The following AGBL4 variants were observed in gnomAD, a reference collection of about 807,000 sequenced individuals.
AGBL4 encodes the protein cytosolic carboxypeptidase 6.
In AGBL4, 58 loss-of-function variants were observed where a neutral mutation model predicts 66.4. The ratio of observed to expected loss-of-function variants is 0.87; its 90% CI spans 0.71 to 1.09. AGBL4 has a LOEUF of 1.09. Among genes scored for constraint, AGBL4 ranks in the 50% least tolerant of loss-of-function variants. The probability of loss-of-function intolerance (pLI) is 0.00; values close to 1 mark genes in which losing one functional copy is unlikely to be tolerated. For synonymous variants in AGBL4, 234 were observed against 222.9 expected, an observed-to-expected ratio of 1.05 and a Z score of -0.44; for missense variants, 579 against 631.0, an observed-to-expected ratio of 0.92 and a Z score of 0.88.
intron 3 of AGBL4, among the ~76,000 whole-genome samples, chr1:49,523,722 A>G (rs1248623551): frequency 6.6e-6 from 1 of 152,162 alleles, no homozygotes; most frequent in African/African-American, 2.4e-5. Context: ...TCATCATATT[A>G]ATGAATAAAT....
At chr1:48,662,053 A>G (rs917697841) in intron 7 of AGBL4, among the ~76,000 whole-genome samples, 1 of 152,226 alleles carries the variant, frequency 6.6e-6, no homozygotes, top group Non-Finnish European at 1.5e-5. Context: ...CCATCTTCTC[A>G]TCTGAAATAA....
At chr1:48,669,471 T>C (rs1353326743) in intron 6 of AGBL4, among the ~76,000 whole-genome samples, 1 of 152,098 alleles carries the variant, frequency 6.6e-6, no homozygotes, top group Non-Finnish European at 1.5e-5. Context: ...CCTCCAGTTA[T>C]GACAATGAAA....
At chr1:49,692,729 A>G (rs566578058) in intron 3 of AGBL4, among the ~76,000 whole-genome samples, 20 of 152,272 alleles carry the variant, frequency 1.3e-4, no homozygotes, top group Middle Eastern at 3.4e-3. Flanking sequence ...AAAAAAAAAA[A>G]AAAGAGCAGC....
chr1:49,940,839 C>T (rs1654680797), intron 1 of AGBL4, among the ~76,000 whole-genome samples: 1 of 151,544 alleles, frequency 6.6e-6, no homozygotes, highest in Non-Finnish European at 1.5e-5. Context: ...TACCCTAAAA[C>T]TTAAAGTATA....
intron 3 of AGBL4, among the ~76,000 whole-genome samples, chr1:49,562,614 T>C (rs760237148): frequency 1.3e-5 from 2 of 152,156 alleles, no homozygotes; most frequent in East Asian, 1.9e-4. Flanking sequence ...AGATCAGATA[T>C]TTGTAGATAT....
At chr1:49,336,990 T>A (rs1356881704) in intron 3 of AGBL4, among the ~76,000 whole-genome samples, 1 of 152,172 alleles carries the variant, frequency 6.6e-6, no homozygotes, top group Non-Finnish European at 1.5e-5. Flanking sequence ...AATCTTGAGA[T>A]TAAAAATACA....
chr1:49,366,483 CAAA>C lies in AGBL4; in HGVS notation c.283-120622_283-120620del, dbSNP rs1191495288. On this transcript the variant is annotated intron_variant, in intron 3 of 13. Transcript: ENST00000371839. ...TGAGAGAGTCTAAACAGCACAATTA[CAAA>C]AATCTTAGGGGTGTAGGAGTTATAA... Among the ~76,000 whole-genome samples, 4 of 152,228 alleles carry C rather than the reference CAAA, an allele frequency of 2.6e-5. No homozygotes were observed. In the South Asian group the frequency reaches 6.2e-4, roughly 24 times the overall value.
At chr1:49,650,131 A>G (rs1645973319) in intron 3 of AGBL4, among the ~76,000 whole-genome samples, 1 of 152,328 alleles carries the variant, frequency 6.6e-6, no homozygotes, top group Middle Eastern at 3.4e-3. Flanking sequence ...TTTTTCCCCA[A>G]GATGGCTGAA....
chr1:49,690,803 AG>A (rs1444146391), intron 3 of AGBL4, among the ~76,000 whole-genome samples: 1 of 152,202 alleles, frequency 6.6e-6, no homozygotes, highest in Admixed American at 6.5e-5. Context: ...CCTATGGACC[AG>A]GCATTAAATT....
intron 3 of AGBL4, among the ~76,000 whole-genome samples, chr1:49,555,664 A>G (rs1653378250): frequency 6.6e-6 from 1 of 151,102 alleles, no homozygotes; most frequent in Non-Finnish European, 1.5e-5. Flanking sequence ...AGAATCTACA[A>G]AGAACTCAAA....
chr1:49,272,310 G>A (rs1404958197), intron 3 of AGBL4, among the ~76,000 whole-genome samples: 1 of 151,906 alleles, frequency 6.6e-6, no homozygotes, highest in Non-Finnish European at 1.5e-5. Flanking sequence ...AAATTATTAG[G>A]CTCTAAACAT....
At chr1:48,761,340 G>A (rs777996088) in intron 6 of AGBL4, 1 of 1,548,086 alleles carries the variant, frequency 6.5e-7, no homozygotes, top group East Asian at 2.4e-5. Flanking sequence ...TTGTTACCTT[G>A]ATGTGTCTAA....
At chr1:49,882,760 G>T (rs529194520) in intron 1 of AGBL4, among the ~76,000 whole-genome samples, 1 of 152,152 alleles carries the variant, frequency 6.6e-6, no homozygotes, top group East Asian at 1.9e-4. Context: ...CCTTGCTGAA[G>T]TTGCTTATTT....
chr1:48,733,861 A>G (rs1212152616), intron 6 of AGBL4, among the ~76,000 whole-genome samples: 2 of 152,242 alleles, frequency 1.3e-5, no homozygotes, highest in Admixed American at 1.3e-4. Flanking sequence ...TGTGCCAGAC[A>G]CTATGTTTGG....
intron 2 of AGBL4, among the ~76,000 whole-genome samples, chr1:49,771,012 G>A (rs1557430416): frequency 6.6e-6 from 1 of 151,302 alleles, no homozygotes; most frequent in African/African-American, 2.4e-5. Flanking sequence ...TTATTTCTCT[G>A]TGAGCTTTAT....
At chr1:49,589,014 A>C (rs1644704926) in intron 3 of AGBL4, among the ~76,000 whole-genome samples, 1 of 152,140 alleles carries the variant, frequency 6.6e-6, no homozygotes, top group Non-Finnish European at 1.5e-5. Flanking sequence ...GCCTTCAATA[A>C]ATTACTCCTT....
chr1:49,935,580 AC>A (rs934856506), intron 1 of AGBL4, among the ~76,000 whole-genome samples: 12 of 151,748 alleles, frequency 7.9e-5, no homozygotes, highest in African/African-American at 1.9e-4. Flanking sequence ...ACTGGGAGGC[AC>A]CCCCCCAGTA....
intron 6 of AGBL4, among the ~76,000 whole-genome samples, chr1:48,684,007 A>G (rs1053611376): frequency 2.0e-5 from 3 of 152,212 alleles, no homozygotes; most frequent in African/African-American, 7.2e-5. Context: ...GAGAAACATT[A>G]TTTCTCTGGC....
chr1:49,044,269 G>A (rs1052271813), intron 5 of AGBL4, among the ~76,000 whole-genome samples: 21 of 152,114 alleles, frequency 1.4e-4, no homozygotes, highest in Admixed American at 9.2e-4. Context: ...AGGCCGAGGC[G>A]GGTGGATCGC....
Sources: allele counts gnomAD v4.1 joint callset (sites outside exome capture counted in the v4.1 genomes callset), GRCh38; gene constraint gnomAD v4.1.1; transcripts MANE v1.5; gene names NCBI Gene and HGNC (gene_info 2026-07-23, HGNC 2026-07-21).